Variants in SMKR1 observed in about 807,000 individuals in gnomAD.
SMKR1 encodes small lysine rich protein 1.
In SMKR1, 4 loss-of-function variants were observed where a neutral mutation model predicts 4.0. The observed-to-expected ratio is 1.00, with a 90% CI of 0.49 to 2.30. The LOEUF is 2.30. SMKR1 is among the 30% of genes most tolerant of loss of function. The probability of loss-of-function intolerance (pLI) is 0.02; values close to 1 mark genes in which losing one functional copy is unlikely to be tolerated. For synonymous variants in SMKR1, 38 were observed against 32.5 expected, an observed-to-expected ratio of 1.17 and a Z score of -0.58; for missense variants, 56 against 81.8, an observed-to-expected ratio of 0.68 and a Z score of 1.22.
chr7:129,502,722 G>C lies in SMKR1; in HGVS notation c.-103G>C. 6.6e-7 allele frequency: 1 copy of C among 1,509,616 alleles called. No individual in the cohort carries two copies. The highest frequency in any genetic ancestry group is 8.9e-7 in the Non-Finnish European group (1 of 1,124,980). The allele number at this position is 1,509,616 out of a possible 1,614,324, so 93.5% of individuals were successfully genotyped here. ...CTGAGGAGGGCCGAGAAGGGGCCGG[G>C]GGTGCTAGGGGAACGGGCGCTGGGG... On this transcript the variant is annotated 5_prime_UTR_variant, in exon 1 of 2. Transcript: ENST00000462322.
intron 1 of SMKR1, among the ~76,000 whole-genome samples, chr7:129,509,217 G>A (rs1030340335): frequency 1.3e-5 from 2 of 152,168 alleles, no homozygotes; most frequent in Non-Finnish European, 2.9e-5. Context: ...GGAGGCTGAG[G>A]CAGGAGAATC....
chr7:129,507,230 C>T (rs771767187), intron 1 of SMKR1, among the ~76,000 whole-genome samples: 7 of 152,138 alleles, frequency 4.6e-5, no homozygotes, highest in South Asian at 2.1e-4. Context: ...TTAGCCAGGA[C>T]GGTCTCGATC....
chr7:129,510,945 A>T (rs748327486), intron 1 of SMKR1, among the ~76,000 whole-genome samples: 8 of 152,014 alleles, frequency 5.3e-5, no homozygotes, highest in Non-Finnish European at 1.2e-4. Context: ...AGCAGCTGGG[A>T]TTACAGGCGC....
At chr7:129,508,464 C>T (rs1799491589) in intron 1 of SMKR1, among the ~76,000 whole-genome samples, 1 of 152,114 alleles carries the variant, frequency 6.6e-6, no homozygotes, top group Admixed American at 6.6e-5. Flanking sequence ...TTTTTTGAGA[C>T]AGGATCTTGT....
chr7:129,510,768 AT>A (rs1799517356), intron 1 of SMKR1, among the ~76,000 whole-genome samples: 1 of 151,422 alleles, frequency 6.6e-6, no homozygotes, highest in South Asian at 2.1e-4. Context: ...TTTATTGAGT[AT>A]TTGTCTCACA....
rs576934797 is a variant in SMKR1, at chr7:129,510,068, G to A, written c.4-2179G>A. Among the ~76,000 whole-genome samples, 46 of 152,296 alleles carry A rather than the reference G, an allele frequency of 3.0e-4. 1 individual carries two copies. Among genetic ancestry groups the A allele is most frequent in the African/African-American group, 1.1e-3 (44 of 41,562 alleles). On this transcript the variant is annotated intron_variant, in intron 1 of 1. Transcript: ENST00000462322. ...TGTGTGGGTCAGAGGACATAGAGAA[G>A]TTCAACTCAGTTTTGTGCAGTTCTA... is the stretch of plus-strand genomic sequence containing the variant.
intron 1 of SMKR1, among the ~76,000 whole-genome samples, chr7:129,511,028 C>T (rs927270342): frequency 6.6e-6 from 1 of 152,086 alleles, no homozygotes; most frequent in Non-Finnish European, 1.5e-5. Context: ...AGGCTGGTCT[C>T]GAACTTCCTG....
At chr7:129,504,412 T>G (rs950203953) in intron 1 of SMKR1, among the ~76,000 whole-genome samples, 1 of 152,224 alleles carries the variant, frequency 6.6e-6, no homozygotes, top group African/African-American at 2.4e-5. Flanking sequence ...GTCTTGGAAT[T>G]CCCTACTCTC....
chr7:129,512,334 G>A lies in SMKR1; in HGVS notation c.91G>A (p.Ala31Thr). The change falls in exon 2 of 2, where the codon GCC becomes ACC. Residue 31 changes from alanine to threonine, a missense_variant. By Grantham distance (58) the Ala-to-Thr change is moderately conservative. Coordinates refer to ENST00000462322, the MANE Select transcript of SMKR1 (RefSeq NM_001195243.2). ...AGAAGTGGACATTCTCAGCCCCGCG[G>A]CCATGCTGAACCTCTACTACATCGC... Reference protein sequence around the residue: ...KPEVDILSPAAMLNLYYIAHN... With the variant: ...KPEVDILSPATMLNLYYIAHN... 2 of 1,536,062 alleles carry A rather than the reference G, an allele frequency of 1.3e-6. No homozygotes were observed. The highest frequency in any genetic ancestry group is 1.2e-5 in the South Asian group (1 of 84,048).
chr7:129,504,577 G>C (rs1799446128), intron 1 of SMKR1, among the ~76,000 whole-genome samples: 1 of 151,180 alleles, frequency 6.6e-6, no homozygotes, highest in Non-Finnish European at 1.5e-5. Context: ...TTTAGAGATA[G>C]GGTTTTGCTT....
chr7:129,510,677 G>T (rs1404588967), intron 1 of SMKR1, among the ~76,000 whole-genome samples: 1 of 152,150 alleles, frequency 6.6e-6, no homozygotes, highest in East Asian at 1.9e-4. Flanking sequence ...ACAGTAAGCT[G>T]AGTTTGTGCC....
intron 1 of SMKR1, among the ~76,000 whole-genome samples, chr7:129,506,475 T>C (rs1375298708): frequency 3.9e-5 from 6 of 152,120 alleles, no homozygotes; most frequent in Non-Finnish European, 4.4e-5. Flanking sequence ...CACACTTTGA[T>C]AGGTTTGGCA....
In SMKR1 at chr7:129,502,627, C is replaced by T; in HGVS notation, c.-198C>T. ...GGCGGCTCCGCGGCTGGCTGCCTCC[C>T]GAGCCGGCCGCGCTCCTCCCAGCGA... On this transcript the variant is annotated 5_prime_UTR_variant, in exon 1 of 2. Transcript: ENST00000462322. 2.7e-6 allele frequency: 2 copies of T among 737,240 alleles called. No individual in the cohort carries two copies. The highest frequency in any genetic ancestry group is 4.1e-6 in the Non-Finnish European group (2 of 493,112). The allele number at this position is 737,240 out of a possible 1,614,324, so 45.7% of individuals were successfully genotyped here. A position where few individuals can be genotyped will look rare whatever the true frequency, so the allele number is the denominator to read the frequency against.
Position 129,502,920 on chromosome 7 carries a change from C to T in SMKR1, c.3+93C>T, listed in dbSNP as rs916055647. ...GAGGCGCGGGCGCCGAGGTCACCGC[C>T]TCTCCCTGGGGTCGACCTCAACGCG... On this transcript the variant is annotated intron_variant, in intron 1 of 1. Coordinates refer to ENST00000462322, the MANE Select transcript of SMKR1 (RefSeq NM_001195243.2). 5 of 1,516,074 alleles carry T rather than the reference C, an allele frequency of 3.3e-6. No homozygotes were observed. The African/African-American group carries it at 4.2e-5, about 13-fold the overall frequency. The allele number at this position is 1,516,074 out of a possible 1,614,324, so 93.9% of individuals were successfully genotyped here. A position where few individuals can be genotyped will look rare whatever the true frequency, so the allele number is the denominator to read the frequency against.
chr7:129,505,864 G>T (rs1179625433), intron 1 of SMKR1, among the ~76,000 whole-genome samples: 1 of 152,194 alleles, frequency 6.6e-6, no homozygotes, highest in Non-Finnish European at 1.5e-5. Context: ...CAATTAGAAG[G>T]TCTGCAGGAA....
Position 129,502,686 on chromosome 7 carries a change from G to T in SMKR1, c.-139G>T. The T allele has an allele frequency of 1.5e-6, 2 of 1,326,112 alleles. No individual in the cohort carries two copies. Among genetic ancestry groups the T allele is most frequent in the Non-Finnish European group, 2.1e-6 (2 of 967,892 alleles). 82.1% of individuals were successfully genotyped at this position (1,326,112 alleles called of 1,614,324 possible). A position where few individuals can be genotyped will look rare whatever the true frequency, so the allele number is the denominator to read the frequency against. On this transcript the variant is annotated 5_prime_UTR_variant, in exon 1 of 2. Transcript: ENST00000462322. ...GGGGAGGCGTAGTGAGGCTGGGCCC[G>T]TGGCGGTTCCCTGAGGAGGGCCGAG... is the stretch of plus-strand genomic sequence containing the variant.
Position 129,502,840 on chromosome 7 carries a change from T to G in SMKR1, c.3+13T>G. 6.5e-7 allele frequency: 1 copy of G among 1,534,740 alleles called. No homozygotes were observed. The highest frequency in any genetic ancestry group is 8.7e-7 in the Non-Finnish European group (1 of 1,146,514). ...GAGAATCGCCATGGTAATCCCCGTC[T>G]CCCTAAAGTACCCGGGGCCAGGGCG... is the stretch of plus-strand genomic sequence containing the variant. On this transcript the variant is annotated intron_variant, in intron 1 of 1. Transcript: ENST00000462322.
chr7:129,508,866 G>C (rs1799495548), intron 1 of SMKR1, among the ~76,000 whole-genome samples: 1 of 152,164 alleles, frequency 6.6e-6, no homozygotes, highest in Admixed American at 6.5e-5. Flanking sequence ...ATGAATTTTA[G>C]AATCAGTTTG....
chr7:129,502,721 G>C lies in SMKR1; in HGVS notation c.-104G>C, dbSNP rs1044785715. 6 of 1,509,326 alleles carry C rather than the reference G, an allele frequency of 4.0e-6. No homozygotes were observed. The highest frequency in any genetic ancestry group is 5.3e-6 in the Non-Finnish European group (6 of 1,124,884). 93.5% of individuals were successfully genotyped at this position (1,509,326 alleles called of 1,614,324 possible). Reference sequence around the variant, plus strand: ...CCTGAGGAGGGCCGAGAAGGGGCCGGGGGTGCTAGGGGAACGGGCGCTGGG... The same window carrying C: ...CCTGAGGAGGGCCGAGAAGGGGCCGCGGGTGCTAGGGGAACGGGCGCTGGG... On this transcript the variant is annotated 5_prime_UTR_variant, in exon 1 of 2. Coordinates refer to ENST00000462322, the MANE Select transcript of SMKR1 (RefSeq NM_001195243.2).
Sources: allele counts gnomAD v4.1 joint callset (sites outside exome capture counted in the v4.1 genomes callset), GRCh38; gene constraint gnomAD v4.1.1; transcripts MANE v1.5; gene names NCBI Gene and HGNC (gene_info 2026-07-23, HGNC 2026-07-21).